The following ERBB4 variants were observed in gnomAD, a reference collection of about 807,000 sequenced individuals.
ERBB4 encodes the protein receptor tyrosine-protein kinase erbB-4.
ERBB4 carries 42 observed loss-of-function variants against 158.0 expected under a neutral mutation model. The ratio of observed to expected loss-of-function variants is 0.27; its 90% CI spans 0.21 to 0.34. ERBB4 has a LOEUF of 0.34. Ranked by LOEUF, ERBB4 falls within the 10% of genes least tolerant of loss-of-function variation. The pLI, the probability that ERBB4 is intolerant of heterozygous loss-of-function variation, is 1.00. For missense variants in ERBB4, 1,333 were observed against 1,624.1 expected (o/e 0.82, Z 3.08); for synonymous variants, 583 against 558.7 (o/e 1.04, Z -0.61).
intron 1 of ERBB4, among the ~76,000 whole-genome samples, chr2:212,226,516 GA>G (rs1302048659): frequency 6.6e-6 from 1 of 151,970 alleles, no homozygotes; most frequent in Non-Finnish European, 1.5e-5. Context: ...TGTTCTCTAG[GA>G]AAGAAACCAT....
chr2:211,888,950 A>G (rs2078886524), intron 3 of ERBB4, among the ~76,000 whole-genome samples: 1 of 151,212 alleles, frequency 6.6e-6, no homozygotes, highest in Admixed American at 6.6e-5. Flanking sequence ...ATCAAACTGC[A>G]AGGCAGCAGC....
At chr2:211,518,482 T>C (rs1217455294) in intron 20 of ERBB4, among the ~76,000 whole-genome samples, 1 of 152,026 alleles carries the variant, frequency 6.6e-6, no homozygotes, top group East Asian at 1.9e-4. Context: ...GGTGAAACCC[T>C]GTCTCTACTA....
intron 1 of ERBB4, among the ~76,000 whole-genome samples, chr2:212,334,755 C>T (rs72949534): frequency 0.13 from 19,613 of 151,922 alleles, 1,759 homozygotes; most frequent in Non-Finnish European, 0.19. Context: ...TATTAAAAAT[C>T]TGATGCCAAT....
chr2:212,443,993 C>T (rs968085805), intron 1 of ERBB4, among the ~76,000 whole-genome samples: 2 of 152,122 alleles, frequency 1.3e-5, no homozygotes, highest in African/African-American at 4.8e-5. Context: ...AATCAGCATT[C>T]CATCACCAAA....
chr2:212,512,119 A>G (rs77865123), intron 1 of ERBB4, among the ~76,000 whole-genome samples: 14,991 of 152,144 alleles, frequency 0.099, 996 homozygotes, highest in Non-Finnish European at 0.15. Flanking sequence ...TTCTCTCCCC[A>G]GGGATGGGGG....
intron 1 of ERBB4, among the ~76,000 whole-genome samples, chr2:212,417,671 A>T (rs1422338402): frequency 6.6e-6 from 1 of 152,054 alleles, no homozygotes; most frequent in Admixed American, 6.6e-5. Context: ...TAGAATCGTA[A>T]TAGTTCTCAA....
At chr2:212,018,369 G>A (rs2076574019) in intron 2 of ERBB4, among the ~76,000 whole-genome samples, 1 of 152,078 alleles carries the variant, frequency 6.6e-6, no homozygotes, top group Admixed American at 6.6e-5. Context: ...AGTATTCCTG[G>A]GGGATATGAC....
At chr2:211,753,246 G>A (rs1288687517) in intron 4 of ERBB4, among the ~76,000 whole-genome samples, 1 of 151,232 alleles carries the variant, frequency 6.6e-6, no homozygotes, top group Non-Finnish European at 1.5e-5. Context: ...GAAGTACAGA[G>A]AGAGTTCCCA....
intron 19 of ERBB4, among the ~76,000 whole-genome samples, chr2:211,592,821 C>T (rs762485578): frequency 6.6e-6 from 1 of 152,022 alleles, no homozygotes; most frequent in Non-Finnish European, 1.5e-5. Flanking sequence ...ACCAGCCTGA[C>T]CAACATAGTC....
intron 24 of ERBB4, 135 bp downstream of exon 24, chr2:211,421,872 A>G (rs1156906165): frequency 1.4e-6 from 1 of 695,412 alleles, no homozygotes; most frequent in Non-Finnish European, 2.6e-6. Context: ...TCCATAAGTC[A>G]TGTCACATGA....
At chr2:212,491,262 T>C in intron 1 of ERBB4, among the ~76,000 whole-genome samples, 1 of 151,670 alleles carries the variant, frequency 6.6e-6, no homozygotes, top group Non-Finnish European at 1.5e-5. Context: ...CTATTATGTA[T>C]AAACTTTTTA....
chr2:211,876,403 A>G (rs1406144449), intron 3 of ERBB4, among the ~76,000 whole-genome samples: 1 of 152,176 alleles, frequency 6.6e-6, no homozygotes, highest in Non-Finnish European at 1.5e-5. Context: ...TTTCACCATT[A>G]TGCGATGTGT....
chr2:211,633,282 C>A (rs1195830188), intron 16 of ERBB4, among the ~76,000 whole-genome samples: 1 of 151,990 alleles, frequency 6.6e-6, no homozygotes, highest in Admixed American at 6.6e-5. Flanking sequence ...TGCTGCAACA[C>A]AAAGACGTGC....
chr2:211,518,874 T>A (rs1229329713), intron 20 of ERBB4, among the ~76,000 whole-genome samples: 1 of 152,144 alleles, frequency 6.6e-6, no homozygotes, highest in Non-Finnish European at 1.5e-5. Context: ...TAGCATCGGT[T>A]CACTAAATAT....
At chr2:211,997,114 T>C (rs1395983853) in intron 2 of ERBB4, among the ~76,000 whole-genome samples, 1 of 143,448 alleles carries the variant, frequency 7.0e-6, no homozygotes, top group East Asian at 1.9e-4. Context: ...TTGGTCAATG[T>C]ATCTAGTGTC....
intron 1 of ERBB4, among the ~76,000 whole-genome samples, chr2:212,506,775 T>C (rs1482960423): frequency 6.6e-6 from 1 of 152,156 alleles, no homozygotes; most frequent in Non-Finnish European, 1.5e-5. Context: ...GGTTTAAGGA[T>C]AGAAGCTGTC....
rs1448248700 is a variant in ERBB4, at chr2:211,645,068, TTGAG to T, written c.1946+12682_1946+12685del. Among the ~76,000 whole-genome samples, 3 of 151,992 alleles carry T rather than the reference TTGAG, an allele frequency of 2.0e-5. No homozygotes were observed. In the East Asian group the frequency reaches 5.8e-4, roughly 29 times the overall value. On this transcript the variant is annotated intron_variant, in intron 16 of 27. Transcript: ENST00000342788. ...TGCTGGAAAACACTAACATCTCTTC[TTGAG>T]TATTTATTGGGATCACTAAGTAAGT...
chr2:211,831,288 C>A (rs1387073827), intron 3 of ERBB4, among the ~76,000 whole-genome samples: 1 of 152,116 alleles, frequency 6.6e-6, no homozygotes, highest in Non-Finnish European at 1.5e-5. Context: ...CAAGTCCAGT[C>A]TAATACTGAA....
At chr2:211,801,053 T>C (rs558437477) in intron 3 of ERBB4, among the ~76,000 whole-genome samples, 39 of 152,350 alleles carry the variant, frequency 2.6e-4, no homozygotes, top group South Asian at 8.3e-4. Context: ...TTCAAATGTG[T>C]AGGGCATTCA....
Sources: allele counts gnomAD v4.1 joint callset (sites outside exome capture counted in the v4.1 genomes callset), GRCh38; gene constraint gnomAD v4.1.1; transcripts MANE v1.5; gene names NCBI Gene and HGNC (gene_info 2026-07-23, HGNC 2026-07-21).